Variants in TOX3 observed in about 807,000 individuals in gnomAD.
TOX3 encodes the protein TOX high mobility group box family member 3.
Under a neutral mutation model 64.3 loss-of-function variants are expected in TOX3, and 22 were observed. The observed-to-expected ratio is 0.34, with a 90% confidence interval of 0.24 to 0.49. The LOEUF (loss-of-function observed/expected upper bound fraction) is 0.49. Ranked by LOEUF, TOX3 falls within the 20% of genes least tolerant of loss-of-function variation. The pLI is 0.99. For synonymous variants in TOX3, 291 were observed against 273.6 expected, an observed-to-expected ratio of 1.06 and a Z score of -0.63; for missense variants, 661 against 714.4, an observed-to-expected ratio of 0.93 and a Z score of 0.85.
Position 52,437,879 on chromosome 16 carries a change from G to T in TOX3, c.*1346C>A, listed in dbSNP as rs1018042889. On this transcript the variant is annotated 3_prime_UTR_variant, in exon 7 of 7. Transcript: ENST00000219746. ...TTCAAGGATCTTCATTTCAGGCTAT[G>T]CAATGCATATTCTTGGCCATAAATA... 1.3e-5 allele frequency: 2 copies of T among 150,338 alleles called. No individual in the cohort carries two copies. The highest frequency in any genetic ancestry group is 3.0e-5 in the Non-Finnish European group (2 of 67,794). 9.3% of individuals were successfully genotyped at this position (150,338 alleles called of 1,614,324 possible).
intron 1 of TOX3, among the ~76,000 whole-genome samples, chr16:52,495,472 G>A (rs1175403399): frequency 6.6e-6 from 1 of 152,170 alleles, no homozygotes; most frequent in African/African-American, 2.4e-5. Context: ...CTTAATAACA[G>A]TAGCATTTAT....
Position 52,546,995 on chromosome 16 carries a change from C to CT in TOX3, c.-273_-272insA, listed in dbSNP as rs1963212369. 1 of 965,864 alleles carries CT rather than the reference C, an allele frequency of 1.0e-6. No homozygotes were observed. The highest frequency in any genetic ancestry group is 1.2e-6 in the Non-Finnish European group (1 of 817,116). The allele number at this position is 965,864 out of a possible 1,614,324, so 59.8% of individuals were successfully genotyped here. A position where few individuals can be genotyped will look rare whatever the true frequency, so the allele number is the denominator to read the frequency against. ...GAGGCAGCGCTGCGCGCGGGCCGGGCGCCGGGGGCGCGGGGCGCGGCGCTG... is the reference window on the plus strand; with the variant it reads ...GAGGCAGCGCTGCGCGCGGGCCGGGCTGCCGGGGGCGCGGGGCGCGGCGCTG... On this transcript the variant is annotated 5_prime_UTR_variant, in exon 1 of 7. Transcript: ENST00000219746.
chr16:52,474,301 G>A (rs555052943), intron 1 of TOX3, among the ~76,000 whole-genome samples: 12 of 152,140 alleles, frequency 7.9e-5, no homozygotes, highest in Non-Finnish European at 1.5e-4. Flanking sequence ...CACCCAGGCC[G>A]AAGCCATCCA....
chr16:52,477,919 C>A (rs1196777085), intron 1 of TOX3, among the ~76,000 whole-genome samples: 1 of 152,072 alleles, frequency 6.6e-6, no homozygotes, highest in Non-Finnish European at 1.5e-5. Flanking sequence ...CTCACTGTGG[C>A]CTCAAACTCC....
intron 3 of TOX3, among the ~76,000 whole-genome samples, chr16:52,456,566 C>A (rs1299098935): frequency 1.3e-5 from 2 of 152,150 alleles, no homozygotes; most frequent in Non-Finnish European, 2.9e-5. Context: ...ATGAAAGAGC[C>A]TCTTTGTCTT....
intron 1 of TOX3, among the ~76,000 whole-genome samples, chr16:52,509,462 T>C (rs1962244526): frequency 6.6e-6 from 1 of 152,232 alleles, no homozygotes; most frequent in Non-Finnish European, 1.5e-5. Context: ...TAAAACCAAA[T>C]TCTTCAGCAT....
Position 52,439,864 on chromosome 16 carries a change from T to C in TOX3, c.1092A>G (p.Gln364=), listed in dbSNP as rs1959901237. 1 of 1,613,672 alleles carries C rather than the reference T, an allele frequency of 6.2e-7. No individual in the cohort carries two copies. The change falls in exon 7 of 7, where the codon CAA becomes CAG. Residue 364 remains glutamine (Q), a synonymous_variant. Transcript: ENST00000219746. ...GAGGTGATGCTGACACTGTTCCATG[T>C]TGAGACAGTGGAGTGTTGAGAAGGA... ...SSLLLNTPLS[Q]HGTVSASPQT... is the part of the protein sequence containing the mutation.
rs1055842081 is a variant in TOX3, at chr16:52,439,324, G to A, written c.1632C>T (p.Ile544=). ...SPVASQITSP[I]PAIGSPQPAS... ...CTGGCTGGGGGCTCCCGATGGCAGG[G>A]ATGGGGGATGTTATCTGAGAGGCGA... Residue 544 remains isoleucine, a synonymous_variant, in exon 7 of 7, where the codon ATC becomes ATT. Coordinates refer to ENST00000219746, the MANE Select transcript of TOX3 (RefSeq NM_001080430.4). The A allele has an allele frequency of 1.2e-6, 2 of 1,613,382 alleles. No individual in the cohort carries two copies. Among genetic ancestry groups the A allele is most frequent in the African/African-American group, 1.3e-5 (1 of 74,882 alleles).
chr16:52,540,250 C>T (rs1335634500), intron 1 of TOX3, among the ~76,000 whole-genome samples: 1 of 150,974 alleles, frequency 6.6e-6, no homozygotes, highest in Non-Finnish European at 1.5e-5. Flanking sequence ...CCAAGCATAG[C>T]GAACACACAC....
intron 3 of TOX3, among the ~76,000 whole-genome samples, chr16:52,456,538 C>T (rs988575269): frequency 6.6e-6 from 1 of 152,148 alleles, no homozygotes. Flanking sequence ...GGCGGAGGCT[C>T]GCCTCTCTCT....
chr16:52,449,653 A>G (rs1405320443), intron 4 of TOX3, among the ~76,000 whole-genome samples: 4 of 152,226 alleles, frequency 2.6e-5, no homozygotes, highest in Non-Finnish European at 5.9e-5. Flanking sequence ...GAGTAGGTAT[A>G]CAGCACATAA....
In TOX3 at chr16:52,437,035, T is replaced by A. The variant is rs1156515639; in HGVS notation, c.*2190A>T. The stretch of plus-strand genomic sequence containing the variant: ...TCTTTTACCATTCGAGCTCTACTTC[T>A]GAAGGATCTGATGCTAGCACATCAT... On this transcript the variant is annotated 3_prime_UTR_variant, in exon 7 of 7. Coordinates refer to ENST00000219746, the MANE Select transcript of TOX3 (RefSeq NM_001080430.4). 1 of 152,234 alleles carries A rather than the reference T, an allele frequency of 6.6e-6. No individual in the cohort carries two copies. The highest frequency in any genetic ancestry group is 1.5e-5 in the Non-Finnish European group (1 of 68,028). 9.4% of individuals were successfully genotyped at this position (152,234 alleles called of 1,614,324 possible). A position where few individuals can be genotyped will look rare whatever the true frequency, so the allele number is the denominator to read the frequency against.
At chr16:52,483,517 T>C (rs1201844513) in intron 1 of TOX3, among the ~76,000 whole-genome samples, 1 of 151,232 alleles carries the variant, frequency 6.6e-6, no homozygotes, top group African/African-American at 2.4e-5. Flanking sequence ...CCATTCACCG[T>C]TGGGTAAAAT....
chr16:52,527,452 A>G (rs1206689951), intron 1 of TOX3, among the ~76,000 whole-genome samples: 1 of 152,208 alleles, frequency 6.6e-6, no homozygotes, highest in Non-Finnish European at 1.5e-5. Flanking sequence ...GTTGAAGGAC[A>G]ACTATTTTCT....
intron 1 of TOX3, among the ~76,000 whole-genome samples, chr16:52,531,646 A>C (rs1392391221): frequency 6.6e-6 from 1 of 152,238 alleles, no homozygotes; most frequent in African/African-American, 2.4e-5. Context: ...CAATGTAAAA[A>C]ATTATAAATA....
intron 1 of TOX3, chr16:52,519,600 A>C (rs1962550015): frequency 2.1e-6 from 3 of 1,419,734 alleles, no homozygotes; most frequent in Non-Finnish European, 2.8e-6. Flanking sequence ...GAAAAAAAAA[A>C]CAACATGGTT....
At chr16:52,492,789 A>G (rs1330048918) in intron 1 of TOX3, among the ~76,000 whole-genome samples, 2 of 151,346 alleles carry the variant, frequency 1.3e-5, no homozygotes, top group Non-Finnish European at 2.9e-5. Context: ...TTTGCTTCTA[A>G]TTTGCAGGAT....
At chr16:52,461,200 C>T (rs1960676179) in intron 3 of TOX3, among the ~76,000 whole-genome samples, 1 of 152,096 alleles carries the variant, frequency 6.6e-6, no homozygotes, top group Non-Finnish European at 1.5e-5. Flanking sequence ...GACAATAACA[C>T]TTAGAGGTAA....
chr16:52,509,911 G>A (rs1962256901), intron 1 of TOX3, among the ~76,000 whole-genome samples: 1 of 152,008 alleles, frequency 6.6e-6, no homozygotes, highest in Non-Finnish European at 1.5e-5. Context: ...TGGTTCTCAG[G>A]CCGGTACAAT....
Sources: gnomAD v4.1 joint callset for allele counts (sites outside exome capture counted in the v4.1 genomes callset) on GRCh38, gnomAD v4.1.1 for gene constraint, MANE v1.5 for transcripts, NCBI Gene and HGNC (gene_info 2026-07-23, HGNC 2026-07-21) for gene names.